FLT4: variants seen among roughly 807,000 people sequenced by gnomAD.
FLT4 encodes the protein vascular endothelial growth factor receptor 3.
A neutral mutation model predicts 163.2 loss-of-function variants in FLT4; 30 were observed. The observed-to-expected ratio is 0.18, with a 90% confidence interval of 0.14 to 0.25. The LOEUF (loss-of-function observed/expected upper bound fraction) is 0.25, where lower values mean the gene tolerates loss of function less well. FLT4 is among the 10% of genes least tolerant of loss of function. FLT4 has a pLI of 1.00. For missense variants in FLT4, 1,510 were observed against 1,863.8 expected, an observed-to-expected ratio of 0.81 and a Z score of 3.50; for synonymous variants, 884 against 789.5, an observed-to-expected ratio of 1.12 and a Z score of -2.01.
chr5:180,628,892 C>T lies in FLT4; in HGVS notation c.1093G>A (p.Glu365Lys), dbSNP rs369919880. 38 of 1,608,010 alleles carry T rather than the reference C, an allele frequency of 2.4e-5. No homozygotes were observed. In the Admixed American group the frequency reaches 2.7e-4, roughly 11 times the overall value. ...PVKLAAYPPP[E>K]FQWYKDGKAL... ...AGCCAGGGCTGTTACCACTGGAACT[C>T]GGGCGGGGGGTACGCTGCCAGCTTC... The change falls in exon 8 of 30, where the codon GAG (glutamate) becomes AAG (lysine). Residue 365 changes from glutamate (E) to lysine (K), a missense_variant. By Grantham distance (56) the Glu-to-Lys change is moderately conservative. Around this residue, in one of 5 missense-constraint regions of FLT4, gnomAD observed 878 missense variants for 1,016.7 expected, o/e 0.86. Transcript: ENST00000261937.
Position 180,621,788 on chromosome 5 carries a change from G to A in FLT4, c.1774C>T (p.Arg592Cys), listed in dbSNP as rs375315719. The change falls in exon 13 of 30, where the codon CGC becomes TGC. Residue 592 changes from arginine (R) to cysteine (C), a missense_variant. Coordinates refer to ENST00000261937, the MANE Select transcript of FLT4 (RefSeq NM_182925.5). ...SYKYEHLRWY[R>C]LNLSTLHDAH... ...TCGTGCAGCGTGGACAGGTTGAGGC[G>A]GTACCAGCGCAGATGCTCGTACTTG... 6.2e-7 allele frequency: 1 copy of A among 1,613,394 alleles called. No homozygotes were observed. The highest frequency in any genetic ancestry group is 8.5e-7 in the Non-Finnish European group (1 of 1,179,986).
At chr5:180,607,832 G>A (rs1761885059) in intron 29 of FLT4, 2 of 492,280 alleles carry the variant, frequency 4.1e-6, no homozygotes, top group East Asian at 6.8e-5. Flanking sequence ...GTGGGCACAG[G>A]GTCAGGTGCT....
chr5:180,612,480 TAG>T (rs1261798929), intron 26 of FLT4, 24 bp downstream of exon 26: 1 of 1,558,130 alleles, frequency 6.4e-7, no homozygotes, highest in East Asian at 2.2e-5. Context: ...AAGGCCATAG[TAG>T]AACAGGGTGG....
At position 180,629,312 on chromosome 5, in the gene FLT4, T is replaced by C; in HGVS notation, c.932A>G (p.Lys311Arg). ...AAATCGCTGGATGCCGTTGTTGGCC[T>C]TGCACACATACGAGCCCAGGTCGTG... ...SQHDLGSYVCKANNGIQRFRE... is the reference protein window; with the variant it reads ...SQHDLGSYVCRANNGIQRFRE... The change falls in exon 7 of 30, where the codon AAG (lysine) becomes AGG (arginine). Residue 311 changes from lysine (K) to arginine (R), a missense_variant. Physicochemically the swap from Lys to Arg is conservative, Grantham distance 26. This residue lies in a region of FLT4 where 163 missense variants were observed against 281.1 expected (regional missense o/e 0.58). Transcript: ENST00000261937. 6.2e-7 allele frequency: 1 copy of C among 1,613,342 alleles called. No individual in the cohort carries two copies. The highest frequency in any genetic ancestry group is 8.5e-7 in the Non-Finnish European group (1 of 1,180,016).
intron 29 of FLT4, among the ~76,000 whole-genome samples, chr5:180,605,118 A>C (rs1233895744): frequency 6.6e-6 from 1 of 152,140 alleles, no homozygotes; most frequent in Non-Finnish European, 1.5e-5. Context: ...GGGCCACCAC[A>C]CCCAGCTAAT....
chr5:180,608,340 A>G, intron 29 of FLT4: 1 of 700,762 alleles, frequency 1.4e-6, no homozygotes, highest in East Asian at 2.7e-5. Flanking sequence ...CTTATCAATC[A>G]CTTGAACGAC....
intron 1 of FLT4, among the ~76,000 whole-genome samples, chr5:180,640,306 G>T (rs1765008478): frequency 6.6e-6 from 1 of 152,226 alleles, no homozygotes; most frequent in African/African-American, 2.4e-5. Flanking sequence ...AAACTGAGGC[G>T]CCAGGCCTCA....
chr5:180,637,669 A>T (rs1764791782), intron 1 of FLT4, among the ~76,000 whole-genome samples: 2 of 152,118 alleles, frequency 1.3e-5, no homozygotes, highest in Non-Finnish European at 2.9e-5. Flanking sequence ...GGTAGCTGGG[A>T]TTACAGGCAT....
chr5:180,619,601 C>T (rs774072974), intron 18 of FLT4, 64 bp downstream of exon 18: 8 of 1,324,352 alleles, frequency 6.0e-6, no homozygotes, highest in African/African-American at 1.4e-5. Context: ...GCCGTCCCAC[C>T]GGCCCACCCC....
chr5:180,638,887 T>G (rs1764882823), intron 1 of FLT4, among the ~76,000 whole-genome samples: 1 of 152,194 alleles, frequency 6.6e-6, no homozygotes, highest in Non-Finnish European at 1.5e-5. Context: ...GGCAGTAAGT[T>G]TCAATGGGGT....
intron 29 of FLT4, chr5:180,607,896 G>A (rs1160488245): frequency 1.2e-5 from 7 of 582,004 alleles, no homozygotes; most frequent in East Asian, 2.9e-5. Context: ...CCTCTGTCAC[G>A]CTGGCATAAG....
intron 1 of FLT4, among the ~76,000 whole-genome samples, chr5:180,642,079 C>T (rs1333149766): frequency 7.2e-5 from 11 of 151,938 alleles, no homozygotes; most frequent in African/African-American, 9.7e-5. Flanking sequence ...TGGTGGCGGG[C>T]GCCTGCAGTC....
intron 17 of FLT4, 65 bp from the exon 18 acceptor site, chr5:180,619,834 C>T (rs1234845059): frequency 4.4e-5 from 55 of 1,250,164 alleles, no homozygotes; most frequent in Non-Finnish European, 5.8e-5. Context: ...AGGTGGGCGG[C>T]GGGGGAGCCC....
At chr5:180,626,061 G>C (rs1561729319) in intron 9 of FLT4, 30 bp from the exon 10 acceptor site, 2 of 1,612,718 alleles carry the variant, frequency 1.2e-6, no homozygotes, top group Non-Finnish European at 8.5e-7. Flanking sequence ...CGGTCAGCTG[G>C]CCTCCAATGC....
rs1285199490 is a variant in FLT4, at chr5:180,625,858, G to A, written c.1421+11C>T. 6 of 1,610,372 alleles carry A rather than the reference G, an allele frequency of 3.7e-6. No individual in the cohort carries two copies. The highest frequency in any genetic ancestry group is 4.2e-6 in the Non-Finnish European group (5 of 1,179,510). ...GCTGTGCAGGGGACCTGAGGCTGGA[G>A]CTGTACTCACAGACTACGCTGGGCA... On this transcript the variant is annotated intron_variant, in intron 10 of 29. Transcript: ENST00000261937.
rs2127879476 is a variant in FLT4 at position 180,649,576 on chromosome 5, G to A, written c.-31C>T. The A allele has an allele frequency of 1.5e-6, 2 of 1,361,058 alleles. No individual in the cohort carries two copies. Among genetic ancestry groups the A allele is most frequent in the Non-Finnish European group, 1.9e-6 (2 of 1,051,418 alleles). 84.3% of individuals were successfully genotyped at this position (1,361,058 alleles called of 1,614,324 possible). On this transcript the variant is annotated 5_prime_UTR_variant, in exon 1 of 30. Coordinates refer to ENST00000261937, the MANE Select transcript of FLT4 (RefSeq NM_182925.5). ...GCCGCTGCGCGTGGGTCCGACCCGAGCGGCCGCGGCTCGGGGCTGAAAGTG... is the reference window on the plus strand; with the variant it reads ...GCCGCTGCGCGTGGGTCCGACCCGAACGGCCGCGGCTCGGGGCTGAAAGTG...
intron 23 of FLT4, among the ~76,000 whole-genome samples, chr5:180,615,756 T>C (rs1762629839): frequency 4.1e-5 from 1 of 24,208 alleles, no homozygotes; most frequent in Non-Finnish European, 8.6e-5. Context: ...ACCTCCCTTC[T>C]CCACTTCCTT....
intron 1 of FLT4, among the ~76,000 whole-genome samples, chr5:180,642,644 T>C (rs1013898401): frequency 2.0e-5 from 3 of 152,138 alleles, no homozygotes; most frequent in Non-Finnish European, 4.4e-5. Context: ...GCTCCAGTCC[T>C]GGAGGACCCC....
chr5:180,631,940 G>A (rs112590174), intron 1 of FLT4, among the ~76,000 whole-genome samples, 162 bp from the exon 2 acceptor site: 302 of 151,846 alleles, frequency 2.0e-3, no homozygotes, highest in African/African-American at 5.7e-3. Flanking sequence ...CATGTGCGCC[G>A]TGAGCAGCAC....
Sources: allele counts gnomAD v4.1 joint callset (sites outside exome capture counted in the v4.1 genomes callset), GRCh38; gene constraint gnomAD v4.1.1; regional missense constraint gnomAD v4.1.1; transcripts MANE v1.5; gene names NCBI Gene and HGNC (gene_info 2026-07-23, HGNC 2026-07-21).